ZNF280D: variants seen among roughly 807,000 people sequenced by gnomAD.
The protein encoded by ZNF280D is suppressor of hairy wing homolog 4.
Under a neutral mutation model 94.7 loss-of-function variants are expected in ZNF280D, and 39 were observed. The observed-to-expected ratio is 0.41, with a 90% CI of 0.32 to 0.54. The LOEUF (loss-of-function observed/expected upper bound fraction) is 0.54, where lower values mean the gene tolerates loss of function less well. ZNF280D is among the 20% of genes least tolerant of loss of function. The pLI, the probability that ZNF280D is intolerant of heterozygous loss-of-function variation, is 0.22. For synonymous variants in ZNF280D, 398 were observed against 377.6 expected (o/e 1.05, Z -0.63); for missense variants, 1,090 against 1,149.3 (o/e 0.95, Z 0.75).
At chr15:56,731,788 C>CGTTAAAACTAAGT (rs1342730738) in intron 1 of ZNF280D, among the ~76,000 whole-genome samples, 1 of 152,024 alleles carries the variant, frequency 6.6e-6, no homozygotes, top group Non-Finnish European at 1.5e-5. Flanking sequence ...AAAAAGGTAG[C>CGTTAAAACTAAGT]GTTAAAACTA....
rs376494581 is a variant in ZNF280D at position 56,658,458 on chromosome 15, A to G, written c.2023T>C (p.Phe675Leu). The G allele has an allele frequency of 1.3e-5, 21 of 1,587,512 alleles. No individual in the cohort carries two copies. Among genetic ancestry groups the G allele is most frequent in the Non-Finnish European group, 1.7e-5 (20 of 1,171,388 alleles). The change falls in exon 17 of 22, where the codon TTT becomes CTT. Residue 675 changes from phenylalanine (F) to leucine (L), a missense_variant. This residue lies in a region of ZNF280D where 577 missense variants were observed against 568.8 expected (regional missense o/e 1.01). Transcript: ENST00000267807. ...TCTGAATGCTTCTTAAAAATACAAA[A>G]CCTTTTGCTTGGACGGTTACTATGA... ...SFHSNRPSKR[F>L]CIFKKHSENL...
intron 1 of ZNF280D, among the ~76,000 whole-genome samples, chr15:56,724,099 A>C (rs1224226905): frequency 6.6e-6 from 1 of 152,146 alleles, no homozygotes; most frequent in Non-Finnish European, 1.5e-5. Context: ...AGCCCGGAAA[A>C]AGATCAAAAT....
At chr15:56,709,368 A>G (rs4774889) in intron 1 of ZNF280D, among the ~76,000 whole-genome samples, 139,558 of 148,096 alleles carry the variant, frequency 0.94, 66,024 homozygotes, top group East Asian at 1. Context: ...AACAGATGCT[A>G]GAGAGGATGT....
intron 16 of ZNF280D, among the ~76,000 whole-genome samples, chr15:56,664,923 T>G (rs536556735): frequency 6.6e-6 from 1 of 152,082 alleles, no homozygotes; most frequent in South Asian, 2.1e-4. Flanking sequence ...ACTACAAAAT[T>G]AAGATGGGTG....
chr15:56,716,050 T>C (rs547933083), intron 1 of ZNF280D, among the ~76,000 whole-genome samples: 19 of 152,296 alleles, frequency 1.2e-4, no homozygotes, highest in South Asian at 4.1e-4. Flanking sequence ...TACTACACCA[T>C]GTTATATAAG....
chr15:56,712,713 A>C (rs1243662878), intron 1 of ZNF280D, among the ~76,000 whole-genome samples: 3 of 150,946 alleles, frequency 2.0e-5, no homozygotes, highest in Admixed American at 6.6e-5. Flanking sequence ...AAAACACAAA[A>C]GTGATTATGA....
chr15:56,630,289 T>A lies in ZNF280D; in HGVS notation c.*1209A>T, dbSNP rs2052028269. 6.6e-6 allele frequency: 1 copy of A among 152,076 alleles called. No individual in the cohort carries two copies. Among genetic ancestry groups the A allele is most frequent in the African/African-American group, 2.4e-5 (1 of 41,442 alleles). The allele number at this position is 152,076 out of a possible 1,614,324, so 9.4% of individuals were successfully genotyped here. On this transcript the variant is annotated 3_prime_UTR_variant, in exon 22 of 22. Transcript: ENST00000267807. Reference sequence around the variant, plus strand: ...CATTCAGTGAAACAAAATTTAAGAATCCAAAGCACATTTTAAGAAGTAAAA... The same window carrying A: ...CATTCAGTGAAACAAAATTTAAGAAACCAAAGCACATTTTAAGAAGTAAAA...
intron 13 of ZNF280D, among the ~76,000 whole-genome samples, chr15:56,674,341 G>GAT (rs2055070615): frequency 6.6e-6 from 1 of 151,784 alleles, no homozygotes; most frequent in African/African-American, 2.4e-5. Context: ...GGGTGATGAA[G>GAT]ATACTTTTTT....
At chr15:56,696,110 A>G in intron 6 of ZNF280D, among the ~76,000 whole-genome samples, 1 of 152,218 alleles carries the variant, frequency 6.6e-6, no homozygotes, top group Non-Finnish European at 1.5e-5. Context: ...CTAATCCTAG[A>G]ATTTGAGGCC....
chr15:56,636,946 T>C (rs556080586), intron 20 of ZNF280D, among the ~76,000 whole-genome samples: 1 of 152,174 alleles, frequency 6.6e-6, no homozygotes, highest in African/African-American at 2.4e-5. Context: ...GAAGTGGAGA[T>C]AGTCTAGACT....
chr15:56,698,395 A>T (rs2056872549), intron 6 of ZNF280D: 1 of 152,212 alleles, frequency 6.6e-6, no homozygotes, highest in Admixed American at 6.5e-5. Context: ...GTTTTCCAAA[A>T]TTCTAATTTT....
Position 56,676,738 on chromosome 15 carries a change from G to C in ZNF280D, c.1342C>G (p.Leu448Val). ...ATAACTTTGAGGCAAAACGGGCATA[G>C]CAAGTTCTTAGTGTTTTCATGGGAT... ...RTSHENTKNLLCPFCLKVIKI... is the reference protein window; with the variant it reads ...RTSHENTKNLVCPFCLKVIKI... The change falls in exon 13 of 22, where the codon CTA becomes GTA. Residue 448 changes from leucine (L) to valine (V), a missense_variant. Leu to Val is a conservative substitution (Grantham distance 32). This residue lies in a region of ZNF280D where 127 missense variants were observed against 208.6 expected (regional missense o/e 0.61). Transcript: ENST00000267807. 1 of 1,612,270 alleles carries C rather than the reference G, an allele frequency of 6.2e-7. No homozygotes were observed. The highest frequency in any genetic ancestry group is 8.5e-7 in the Non-Finnish European group (1 of 1,178,734).
At chr15:56,635,876 T>C (rs1298219897) in intron 20 of ZNF280D, 1 of 152,202 alleles carries the variant, frequency 6.6e-6, no homozygotes, top group African/African-American at 2.4e-5. Context: ...TGAAGCAGTA[T>C]ATTAAGAACT....
At chr15:56,685,147 T>C (rs1358372833) in intron 9 of ZNF280D, among the ~76,000 whole-genome samples, 2 of 152,180 alleles carry the variant, frequency 1.3e-5, no homozygotes, top group Admixed American at 1.3e-4. Flanking sequence ...CTTTACAGAA[T>C]GGACTACAGT....
At position 56,693,874 on chromosome 15, in the gene ZNF280D, CCA is replaced by C. The variant is rs533790790; in HGVS notation, c.382-661_382-660del. ...GTGTCAGAAAGAGAAAAAATGGGCCCCACACACTTTCCATCATCCCATAGAAA... is the reference window on the plus strand; with the variant it reads ...GTGTCAGAAAGAGAAAAAATGGGCCCCACACTTTCCATCATCCCATAGAAA... On this transcript the variant is annotated intron_variant, in intron 6 of 21. Transcript: ENST00000267807. Among the ~76,000 whole-genome samples, 3 of 152,134 alleles carry C rather than the reference CCA, an allele frequency of 2.0e-5. No individual in the cohort carries two copies. In the South Asian group the frequency reaches 6.3e-4, roughly 32 times the overall value.
intron 17 of ZNF280D, among the ~76,000 whole-genome samples, chr15:56,658,104 C>G (rs2053670057): frequency 6.6e-6 from 1 of 152,070 alleles, no homozygotes; most frequent in Admixed American, 6.6e-5. Context: ...AGGACCACAT[C>G]ATGTATCATT....
At chr15:56,643,140 T>G (rs2140561014) in intron 19 of ZNF280D, 143 bp from the exon 20 acceptor site, 1 of 471,202 alleles carries the variant, frequency 2.1e-6, no homozygotes, top group African/African-American at 2.0e-5. Flanking sequence ...TAAATTGACC[T>G]CTGTAAATGT....
At chr15:56,732,601 A>G (rs1287496434) in intron 1 of ZNF280D, 1 of 152,008 alleles carries the variant, frequency 6.6e-6, no homozygotes, top group Non-Finnish European at 1.5e-5. Context: ...TTAAGATGAC[A>G]GATTTTTTTT....
intron 1 of ZNF280D, among the ~76,000 whole-genome samples, chr15:56,724,301 T>C (rs2058523702): frequency 6.6e-6 from 1 of 152,246 alleles, no homozygotes; most frequent in African/African-American, 2.4e-5. Flanking sequence ...GCTTTCATTC[T>C]GTCATTTACC....
Sources: gnomAD v4.1 joint callset for allele counts (sites outside exome capture counted in the v4.1 genomes callset) on GRCh38, gnomAD v4.1.1 for gene constraint, gnomAD v4.1.1 regional missense constraint, MANE v1.5 for transcripts, NCBI Gene and HGNC (gene_info 2026-07-23, HGNC 2026-07-21) for gene names.